Variants in MICALL1 observed in about 807,000 individuals in gnomAD.
MICALL1 encodes the protein MICAL-like protein 1.
Under a neutral mutation model 83.7 loss-of-function variants are expected in MICALL1, and 61 were observed. The ratio of observed to expected loss-of-function variants is 0.73; its 90% CI spans 0.59 to 0.90. MICALL1 has a LOEUF of 0.90. MICALL1 is among the 40% of genes least tolerant of loss of function. The pLI is 0.00. For synonymous variants in MICALL1, 481 were observed against 473.6 expected, an observed-to-expected ratio of 1.02 and a Z score of -0.20; for missense variants, 1,066 against 1,152.0, an observed-to-expected ratio of 0.93 and a Z score of 1.08.
rs946846028 is a variant in MICALL1 at position 37,924,568 on chromosome 22, C to A, written c.1025-92C>A. ...CGAGGGTGCCAGGAGGAAGGCGGGG[C>A]GCTCCTGGGGAGGCAGGTGCTGTGG... On this transcript the variant is annotated intron_variant, in intron 6 of 15. Coordinates refer to ENST00000215957, the MANE Select transcript of MICALL1 (RefSeq NM_033386.4). This position sits in a 1 kb window ranked among gnomAD's most constrained non-coding sequence, Gnocchi z 5.2. 3 of 1,260,382 alleles carry A rather than the reference C, an allele frequency of 2.4e-6. No homozygotes were observed. The highest frequency in any genetic ancestry group is 3.4e-6 in the Non-Finnish European group (3 of 887,938). 78.1% of individuals were successfully genotyped at this position (1,260,382 alleles called of 1,614,324 possible). A position where few individuals can be genotyped will look rare whatever the true frequency, so the allele number is the denominator to read the frequency against.
chr22:37,915,209 G>A (rs1207632802), intron 3 of MICALL1, among the ~76,000 whole-genome samples: 2 of 152,110 alleles, frequency 1.3e-5, no homozygotes, highest in East Asian at 1.9e-4. Context: ...CTATGATCAC[G>A]CCAGTGCACT....
intron 8 of MICALL1, 90 bp downstream of exon 8, chr22:37,926,133 C>CA: frequency 1.4e-6 from 2 of 1,440,440 alleles, no homozygotes; most frequent in Non-Finnish European, 1.8e-6. Context: ...CAGAGCCTAC[C>CA]AGGCCAGGCA....
Position 37,932,426 on chromosome 22 carries a change from A to T in MICALL1, c.2017-127A>T. The T allele has an allele frequency of 2.8e-6, 4 of 1,453,296 alleles. No individual in the cohort carries two copies. Among genetic ancestry groups the T allele is most frequent in the Non-Finnish European group, 3.7e-6 (4 of 1,081,344 alleles). The allele number at this position is 1,453,296 out of a possible 1,614,324, so 90.0% of individuals were successfully genotyped here. A position where few individuals can be genotyped will look rare whatever the true frequency, so the allele number is the denominator to read the frequency against. Reference sequence around the variant, plus strand: ...TTCCCCACTGGGACCCTGCCTTCTTACCATGCTGGGGTGGGGGACAGGGCC... The same window carrying T: ...TTCCCCACTGGGACCCTGCCTTCTTTCCATGCTGGGGTGGGGGACAGGGCC... On this transcript the variant is annotated intron_variant, in intron 10 of 15. Transcript: ENST00000215957. The surrounding 1 kb of genome is among the most constrained non-coding windows in gnomAD (Gnocchi z 4.4).
intron 5 of MICALL1, among the ~76,000 whole-genome samples, chr22:37,919,508 C>G (rs2145902320): frequency 6.6e-6 from 1 of 152,086 alleles, no homozygotes; most frequent in South Asian, 2.1e-4. Flanking sequence ...TGGTGGTGCA[C>G]ACCTCTAATC....
At chr22:37,936,590 C>G (rs1930132610) in intron 13 of MICALL1, among the ~76,000 whole-genome samples, 2 of 152,170 alleles carry the variant, frequency 1.3e-5, no homozygotes, top group Admixed American at 1.3e-4. Flanking sequence ...ACTTTCTTTT[C>G]CCTAAGAACT....
chr22:37,920,613 CAAAAAAATTAAAAAAA>C (rs1458899831), intron 5 of MICALL1, among the ~76,000 whole-genome samples: 1 of 144,538 alleles, frequency 6.9e-6, no homozygotes, highest in East Asian at 2.0e-4. Flanking sequence ...TTCATCTCTA[CAAAAAAATTAAAAAAA>C]AAAAAAATTA....
At chr22:37,925,500 A>C (rs1376373868) in intron 7 of MICALL1, among the ~76,000 whole-genome samples, 161 bp from the exon 8 acceptor site, 1 of 152,156 alleles carries the variant, frequency 6.6e-6, no homozygotes, top group Non-Finnish European at 1.5e-5. Context: ...CTGTGACTGT[A>C]ACATTCCATT....
intron 1 of MICALL1, among the ~76,000 whole-genome samples, chr22:37,908,449 C>T (rs1928108199): frequency 6.6e-6 from 1 of 151,982 alleles, no homozygotes; most frequent in African/African-American, 2.4e-5. Context: ...CACAGGCACA[C>T]GCCACCACGC....
At chr22:37,907,939 C>T (rs1928072898) in intron 1 of MICALL1, among the ~76,000 whole-genome samples, 1 of 152,166 alleles carries the variant, frequency 6.6e-6, no homozygotes, top group Non-Finnish European at 1.5e-5. Context: ...CAGGGTTAGA[C>T]CTGGGCATTG....
At chr22:37,907,757 GCC>G (rs1928056186) in intron 1 of MICALL1, among the ~76,000 whole-genome samples, 1 of 152,236 alleles carries the variant, frequency 6.6e-6, no homozygotes, top group African/African-American at 2.4e-5. Context: ...GGTGGCTTGG[GCC>G]CTGGAGGAGA....
At chr22:37,916,339 T>C (rs1313026951) in intron 3 of MICALL1, among the ~76,000 whole-genome samples, 2 of 152,218 alleles carry the variant, frequency 1.3e-5, no homozygotes, top group African/African-American at 4.8e-5. Context: ...AATCTGCCTT[T>C]TGTAATAAAA....
At chr22:37,925,388 G>GCCCACC (rs1929354888) in intron 7 of MICALL1, among the ~76,000 whole-genome samples, 1 of 152,122 alleles carries the variant, frequency 6.6e-6, no homozygotes, top group Admixed American at 6.5e-5. Context: ...CTTTCCCAGG[G>GCCCACC]TACATGGATT....
At chr22:37,939,151 G>A (rs992388799) in intron 15 of MICALL1, among the ~76,000 whole-genome samples, 3 of 152,190 alleles carry the variant, frequency 2.0e-5, no homozygotes, top group Admixed American at 1.3e-4. Flanking sequence ...TTGAGTTCTA[G>A]TCCCAGCTCT....
chr22:37,937,841 T>C lies in MICALL1; in HGVS notation c.2470+49T>C, dbSNP rs773936183. On this transcript the variant is annotated intron_variant, in intron 15 of 15. Transcript: ENST00000215957. ...GCTGGTGAGCACTTGAACTTCGGCA[T>C]TGGGGTTGGAAGGGAGGGACTGGTT... 43 of 1,607,512 alleles carry C rather than the reference T, an allele frequency of 2.7e-5. No homozygotes were observed. In the East Asian group the frequency reaches 5.4e-4, roughly 20 times the overall value.
At position 37,925,936 on chromosome 22, in the gene MICALL1, C is replaced by T. The variant is rs779129772; in HGVS notation, c.1358C>T (p.Pro453Leu). Residue 453 changes from proline to leucine, a missense_variant, in exon 8 of 16, where the codon CCG becomes CTG. Coordinates refer to ENST00000215957, the MANE Select transcript of MICALL1 (RefSeq NM_033386.4). ...GCCACCAGCCCTGCCCTGGGCCACC[C>T]GGAGTCCACACCCAAGTCCCTGCAC... ...SLATSPALGH[P>L]ESTPKSLHPW... 12 of 1,613,112 alleles carry T rather than the reference C, an allele frequency of 7.4e-6. No individual in the cohort carries two copies. Among genetic ancestry groups the T allele is most frequent in the African/African-American group, 6.7e-5 (5 of 74,918 alleles).
chr22:37,925,810 C>T lies in MICALL1; in HGVS notation c.1232C>T (p.Ala411Val), dbSNP rs748065304. ...QVENGGTEEV[A>V]QPSPTASLES... ...GAGAATGGAGGCACCGAGGAGGTGG[C>T]CCAGCCGAGCCCAACGGCCAGCCTG... Residue 411 changes from alanine to valine, a missense_variant, in exon 8 of 16, where the codon GCC becomes GTC. By Grantham distance (64) the Ala-to-Val change is moderately conservative. Transcript: ENST00000215957. The T allele has an allele frequency of 1.1e-5, 18 of 1,613,572 alleles. No homozygotes were observed.
At chr22:37,931,980 C>T in intron 10 of MICALL1, 47 bp downstream of exon 10, 1 of 1,596,044 alleles carries the variant, frequency 6.3e-7, no homozygotes, top group Non-Finnish European at 8.5e-7. Context: ...GGGCTGGCAA[C>T]CCCCACTCTG....
rs764004294 is a variant in MICALL1 at position 37,925,658 on chromosome 22, C to T, written c.1083-3C>T. 1 of 1,601,010 alleles carries T rather than the reference C, an allele frequency of 6.2e-7. No individual in the cohort carries two copies. Among genetic ancestry groups the T allele is most frequent in the Admixed American group, 1.7e-5 (1 of 58,996 alleles). On this transcript the variant is annotated splice_region_variant and splice_polypyrimidine_tract_variant and intron_variant, in intron 7 of 15. Transcript: ENST00000215957. ...GGTTTCTGCTGCTTCCCCCCTCCTC[C>T]AGGACACCAGCCCCCAGGAAGGACC... is the stretch of plus-strand genomic sequence containing the variant.
intron 7 of MICALL1, among the ~76,000 whole-genome samples, chr22:37,925,334 C>A (rs56738394): frequency 1.3e-5 from 2 of 152,224 alleles, no homozygotes; most frequent in Non-Finnish European, 2.9e-5. Flanking sequence ...ATTAAGGTCC[C>A]CATTGAGTGG....
Sources: allele counts gnomAD v4.1 joint callset (sites outside exome capture counted in the v4.1 genomes callset), GRCh38; gene constraint gnomAD v4.1.1; non-coding constraint Gnocchi (gnomAD v3.1); transcripts MANE v1.5; gene names NCBI Gene and HGNC (gene_info 2026-07-23, HGNC 2026-07-21).